POU2F1: variants seen among roughly 807,000 people sequenced by gnomAD.
POU2F1 encodes POU domain, class 2, transcription factor 1.
A neutral mutation model predicts 84.9 loss-of-function variants in POU2F1; 16 were observed. The ratio of observed to expected loss-of-function variants is 0.19; its 90% CI spans 0.13 to 0.29. The LOEUF is 0.29. Ranked by LOEUF, POU2F1 falls within the 10% of genes least tolerant of loss-of-function variation. POU2F1 has a pLI of 1.00. For missense variants in POU2F1, 738 were observed against 942.6 expected (o/e 0.78, Z 2.84); for synonymous variants, 368 against 368.3 (o/e 1.00, Z 0.01).
chr1:167,312,853 A>G (rs1224397463), intron 1 of POU2F1, among the ~76,000 whole-genome samples: 2 of 152,192 alleles, frequency 1.3e-5, no homozygotes, highest in East Asian at 3.8e-4. Flanking sequence ...GTATGTTTAG[A>G]TATTCAAATA....
intron 2 of POU2F1, among the ~76,000 whole-genome samples, chr1:167,352,142 T>G (rs893290087): frequency 2.0e-5 from 3 of 152,238 alleles, no homozygotes; most frequent in Non-Finnish European, 4.4e-5. Context: ...CACAACTTAA[T>G]GGTAATACTC....
intron 1 of POU2F1, among the ~76,000 whole-genome samples, chr1:167,300,052 G>A (rs1199557243): frequency 1.3e-5 from 2 of 152,148 alleles, no homozygotes; most frequent in East Asian, 3.8e-4. Context: ...AGAAAGTGTG[G>A]TACACAGATA....
chr1:167,394,691 G>C (rs1393125372), intron 9 of POU2F1, among the ~76,000 whole-genome samples: 1 of 152,136 alleles, frequency 6.6e-6, no homozygotes, highest in Non-Finnish European at 1.5e-5. Flanking sequence ...GTGGCTGGTG[G>C]CTATATGGGA....
At chr1:167,411,360 C>T (rs1226004823) in intron 13 of POU2F1, among the ~76,000 whole-genome samples, 1 of 151,796 alleles carries the variant, frequency 6.6e-6, no homozygotes, top group African/African-American at 2.4e-5. Context: ...TTTCTTAGAT[C>T]TTAATTTTTA....
Position 167,409,961 on chromosome 1 carries a change from G to A in POU2F1, c.1556-1998G>A, listed in dbSNP as rs3767433. On this transcript the variant is annotated intron_variant, in intron 13 of 15. Transcript: ENST00000367866. ...ATGTTCACCTTACTATGTGACAGGG[G>A]GCATGTCTTAAGAGAAGATTAAAGC... is the stretch of plus-strand genomic sequence containing the variant. 2.0e-5 allele frequency among the ~76,000 whole-genome samples: 3 copies of A among 152,084 alleles called. No individual in the cohort carries two copies. In the East Asian group the frequency reaches 5.8e-4, roughly 29 times the overall value.
intron 9 of POU2F1, among the ~76,000 whole-genome samples, chr1:167,394,372 A>G (rs1211041853): frequency 6.6e-6 from 1 of 152,238 alleles, no homozygotes; most frequent in East Asian, 1.9e-4. Flanking sequence ...ATAGATAAAC[A>G]TAATCATCTG....
At chr1:167,355,174 T>A (rs1658854489) in intron 2 of POU2F1, among the ~76,000 whole-genome samples, 1 of 145,222 alleles carries the variant, frequency 6.9e-6, no homozygotes, top group Non-Finnish European at 1.5e-5. Flanking sequence ...TTTTCTTTCT[T>A]TTTTTTTTTT....
chr1:167,334,151 C>CTT (rs57242474), intron 2 of POU2F1, among the ~76,000 whole-genome samples: 3 of 66,794 alleles, frequency 4.5e-5, no homozygotes, highest in Non-Finnish European at 7.7e-5. Flanking sequence ...AACTACAACA[C>CTT]TTTTTTTTTT....
chr1:167,276,133 T>C (rs948077286), intron 1 of POU2F1, among the ~76,000 whole-genome samples: 2 of 152,240 alleles, frequency 1.3e-5, no homozygotes, highest in African/African-American at 4.8e-5. Flanking sequence ...TTATAAGTTT[T>C]AAGTTGCATG....
chr1:167,377,653 C>T (rs979041124), intron 7 of POU2F1, among the ~76,000 whole-genome samples: 1 of 152,126 alleles, frequency 6.6e-6, no homozygotes, highest in African/African-American at 2.4e-5. Flanking sequence ...ACCCCAACCT[C>T]CCAATTACTT....
At chr1:167,329,322 G>A in intron 1 of POU2F1, 1 of 1,547,058 alleles carries the variant, frequency 6.5e-7, no homozygotes, top group Non-Finnish European at 8.7e-7. Flanking sequence ...TACCAGCACA[G>A]TTCTTTTCTT....
chr1:167,298,939 G>A (rs1031250957), intron 1 of POU2F1, among the ~76,000 whole-genome samples: 4 of 152,068 alleles, frequency 2.6e-5, no homozygotes, highest in East Asian at 1.9e-4. Context: ...CAAGGCGGGC[G>A]GATCACCTGA....
intron 1 of POU2F1, among the ~76,000 whole-genome samples, chr1:167,265,892 C>T (rs1340245870): frequency 1.3e-5 from 2 of 152,218 alleles, no homozygotes; most frequent in Admixed American, 1.3e-4. Context: ...GAAACCCTAC[C>T]TTAGGTATTA....
Position 167,416,758 on chromosome 1 carries a change from T to C in POU2F1, c.*948T>C, listed in dbSNP as rs945882722. ...GTAGCTCTCACTCACCCCCAAATCA[T>C]TGAATGACCCTGAGGCCCAGTTCCT... On this transcript the variant is annotated 3_prime_UTR_variant, in exon 16 of 16. Coordinates refer to ENST00000367866, the MANE Select transcript of POU2F1 (RefSeq NM_002697.4). The C allele has an allele frequency of 2.0e-5, 3 of 152,366 alleles. No individual in the cohort carries two copies. The highest frequency in any genetic ancestry group is 7.2e-5 in the African/African-American group (3 of 41,460). 9.4% of individuals were successfully genotyped at this position (152,366 alleles called of 1,614,324 possible).
chr1:167,229,909 T>A (rs1648931407), intron 1 of POU2F1, among the ~76,000 whole-genome samples: 1 of 152,226 alleles, frequency 6.6e-6, no homozygotes, highest in African/African-American at 2.4e-5. Context: ...GGCATTCTGT[T>A]ATCTAGCCCC....
intron 1 of POU2F1, among the ~76,000 whole-genome samples, chr1:167,304,340 A>G (rs1346805379): frequency 1.3e-5 from 2 of 152,226 alleles, no homozygotes; most frequent in Admixed American, 6.5e-5. Flanking sequence ...TCTTGAGAGT[A>G]TTACTGTCCA....
At chr1:167,259,723 C>G (rs1651412891) in intron 1 of POU2F1, among the ~76,000 whole-genome samples, 1 of 152,134 alleles carries the variant, frequency 6.6e-6, no homozygotes, top group African/African-American at 2.4e-5. Context: ...TATATTCTTA[C>G]TACTAGTGTA....
chr1:167,370,197 C>G lies in POU2F1; in HGVS notation c.265C>G (p.Gln89Glu). 6.2e-7 allele frequency: 1 copy of G among 1,606,842 alleles called. No homozygotes were observed. The highest frequency in any genetic ancestry group is 1.3e-5 in the African/African-American group (1 of 74,942). The change falls in exon 4 of 16, where the codon CAG becomes GAG. Residue 89 changes from glutamine (Q) to glutamate (E), a missense_variant. Physicochemically the swap from Gln to Glu is conservative, Grantham distance 29 (BLOSUM62 2). This residue lies in a region of POU2F1 where 161 missense variants were observed against 147.0 expected (regional missense o/e 1.10). Coordinates refer to ENST00000367866, the MANE Select transcript of POU2F1 (RefSeq NM_002697.4). ...TGGAACAAGTTTACAGGCTGCTGCTCAGTCTTTAAATGTACAGGTAAGCTG... is the reference window on the plus strand; with the variant it reads ...TGGAACAAGTTTACAGGCTGCTGCTGAGTCTTTAAATGTACAGGTAAGCTG... ...LAGTSLQAAA[Q>E]SLNVQSKSNE...
At chr1:167,390,385 TATC>T (rs1264829798) in intron 9 of POU2F1, among the ~76,000 whole-genome samples, 1 of 152,238 alleles carries the variant, frequency 6.6e-6, no homozygotes, top group Non-Finnish European at 1.5e-5. Context: ...ATTTGAAGAA[TATC>T]TGGTGGTAGA....
Sources: allele counts gnomAD v4.1 joint callset (sites outside exome capture counted in the v4.1 genomes callset), GRCh38; gene constraint gnomAD v4.1.1; regional missense constraint gnomAD v4.1.1; transcripts MANE v1.5; gene names NCBI Gene and HGNC (gene_info 2026-07-23, HGNC 2026-07-21).